The following DLGAP1 variants were observed in gnomAD, a reference collection of about 807,000 sequenced individuals.
The protein encoded by DLGAP1 is disks large-associated protein 1.
A neutral mutation model predicts 90.8 loss-of-function variants in DLGAP1; 11 were observed. The observed-to-expected ratio is 0.12, with a 90% CI of 0.08 to 0.20. The LOEUF (loss-of-function observed/expected upper bound fraction) is 0.20, where lower values mean the gene tolerates loss of function less well. Ranked by LOEUF, DLGAP1 falls within the 10% of genes least tolerant of loss-of-function variation. The pLI is 1.00. For synonymous variants in DLGAP1, 558 were observed against 540.7 expected (o/e 1.03, Z -0.44); for missense variants, 1,050 against 1,333.8 (o/e 0.79, Z 3.31).
chr18:4,053,497 G>T (rs2143128238), intron 2 of DLGAP1, among the ~76,000 whole-genome samples: 1 of 152,298 alleles, frequency 6.6e-6, no homozygotes, highest in Non-Finnish European at 1.5e-5. Context: ...GAAGATTTGG[G>T]TGGGGACACA....
In DLGAP1 at chr18:4,216,405, G is replaced by A. The variant is rs1045759320; in HGVS notation, c.-266-65118C>T. On this transcript the variant is annotated intron_variant, in intron 1 of 12. Transcript: ENST00000315677. The stretch of plus-strand genomic sequence containing the variant: ...TATCACCTACCAACTAATTTTAAAT[G>A]TTACACTCTTTAATTTTCTACCTGT... Among the ~76,000 whole-genome samples the A allele has an allele frequency of 2.6e-5, 4 of 151,800 alleles. No individual in the cohort carries two copies. The South Asian group carries it at 6.2e-4, about 24-fold the overall frequency.
rs989848841 is a variant in DLGAP1, at chr18:3,653,780, G to T, written c.1592-71532C>A. On this transcript the variant is annotated intron_variant, in intron 7 of 12. Coordinates refer to ENST00000315677, the MANE Select transcript of DLGAP1 (RefSeq NM_004746.4). The surrounding 1 kb of genome is among the most constrained non-coding windows in gnomAD (Gnocchi z 4.6). ...CTCTTTTTTTTAAAAAAGGAAAGCGGTTTCATTTCTGACAGTGGATTTCTT... is the reference window on the plus strand; with the variant it reads ...CTCTTTTTTTTAAAAAAGGAAAGCGTTTTCATTTCTGACAGTGGATTTCTT... 1 of 152,034 alleles carries T rather than the reference G, an allele frequency of 6.6e-6. No individual in the cohort carries two copies. The highest frequency in any genetic ancestry group is 2.4e-5 in the African/African-American group (1 of 41,372). 9.4% of individuals were successfully genotyped at this position (152,034 alleles called of 1,614,324 possible). A position where few individuals can be genotyped will look rare whatever the true frequency, so the allele number is the denominator to read the frequency against.
chr18:4,356,986 T>G (rs1423971932), intron 1 of DLGAP1, among the ~76,000 whole-genome samples: 1 of 152,024 alleles, frequency 6.6e-6, no homozygotes, highest in Non-Finnish European at 1.5e-5. Flanking sequence ...GGTGCCCACA[T>G]GACACCTTTA....
At chr18:4,166,238 A>G (rs2076930634) in intron 1 of DLGAP1, among the ~76,000 whole-genome samples, 1 of 152,200 alleles carries the variant, frequency 6.6e-6, no homozygotes, top group Non-Finnish European at 1.5e-5. Context: ...ACTCCAAAGA[A>G]TATATACAAA....
At chr18:3,989,358 G>A (rs2073913744) in intron 3 of DLGAP1, among the ~76,000 whole-genome samples, 1 of 152,200 alleles carries the variant, frequency 6.6e-6, no homozygotes, top group Non-Finnish European at 1.5e-5. Flanking sequence ...AGCCTTTACG[G>A]GCAGGAACAG....
intron 4 of DLGAP1, among the ~76,000 whole-genome samples, chr18:3,818,249 G>A (rs1442176699): frequency 6.7e-6 from 1 of 149,804 alleles, no homozygotes; most frequent in Non-Finnish European, 1.5e-5. Context: ...GAAACCATAT[G>A]TTATCATTCA....
At chr18:3,608,246 C>G (rs11660083) in intron 7 of DLGAP1, 54,563 of 151,364 alleles carry the variant, frequency 0.36, 10,068 homozygotes, top group Middle Eastern at 0.5. Context: ...TGCCTGAATC[C>G]GAGAGGTGGA....
chr18:4,147,257 T>G (rs549983536), intron 2 of DLGAP1, among the ~76,000 whole-genome samples: 1 of 152,288 alleles, frequency 6.6e-6, no homozygotes, highest in South Asian at 2.1e-4. Context: ...CAAACTAAAA[T>G]GTACAATTTA....
At chr18:3,833,154 CT>C (rs2068135630) in intron 4 of DLGAP1, among the ~76,000 whole-genome samples, 1 of 698 alleles carries the variant, frequency 1.4e-3, no homozygotes, top group South Asian at 0.071. Flanking sequence ...TCCTTCCTTC[CT>C]TCCTTCCTTC....
chr18:3,765,365 C>G (rs1358067332), intron 5 of DLGAP1, among the ~76,000 whole-genome samples: 1 of 150,860 alleles, frequency 6.6e-6, no homozygotes, highest in East Asian at 2.0e-4. Flanking sequence ...CTCCTGACCT[C>G]ATGATCTGCC....
intron 4 of DLGAP1, among the ~76,000 whole-genome samples, chr18:3,831,286 C>T (rs1048275433): frequency 6.6e-6 from 1 of 152,184 alleles, no homozygotes; most frequent in Non-Finnish European, 1.5e-5. Flanking sequence ...AATCTGAAGA[C>T]TGTCATCTCA....
intron 1 of DLGAP1, among the ~76,000 whole-genome samples, chr18:4,180,154 G>T (rs1482621957): frequency 6.6e-6 from 1 of 152,028 alleles, no homozygotes; most frequent in Non-Finnish European, 1.5e-5. Context: ...TTCATAATAC[G>T]ACTCTCTCCC....
chr18:4,087,799 C>T (rs1473209477), intron 2 of DLGAP1, among the ~76,000 whole-genome samples: 1 of 152,078 alleles, frequency 6.6e-6, no homozygotes, highest in Non-Finnish European at 1.5e-5. Flanking sequence ...CATCCTTTTA[C>T]TCTTAACCTA....
chr18:3,818,336 T>A (rs1043232779), intron 4 of DLGAP1, among the ~76,000 whole-genome samples: 1 of 142,898 alleles, frequency 7.0e-6, no homozygotes, highest in Non-Finnish European at 1.5e-5. Flanking sequence ...AGGATAGGGA[T>A]GTAGGGATGG....
At chr18:3,686,782 GA>G (rs2060717833) in intron 7 of DLGAP1, among the ~76,000 whole-genome samples, 1 of 152,232 alleles carries the variant, frequency 6.6e-6, no homozygotes, top group African/African-American at 2.4e-5. Context: ...ACAGATGTCA[GA>G]GGCTCTGTGG....
At chr18:4,026,612 C>T (rs2074703064) in intron 2 of DLGAP1, among the ~76,000 whole-genome samples, 1 of 152,152 alleles carries the variant, frequency 6.6e-6, no homozygotes, top group Non-Finnish European at 1.5e-5. Flanking sequence ...ATTTCTGGTT[C>T]TCCAGATTGG....
chr18:3,697,952 C>CT (rs1419722632), intron 7 of DLGAP1, among the ~76,000 whole-genome samples: 2 of 152,140 alleles, frequency 1.3e-5, no homozygotes, highest in African/African-American at 2.4e-5. Context: ...CCTTCTTAGT[C>CT]TTTTTTGATC....
At chr18:3,626,807 A>G (rs2058312938) in intron 7 of DLGAP1, among the ~76,000 whole-genome samples, 1 of 151,616 alleles carries the variant, frequency 6.6e-6, no homozygotes, top group Non-Finnish European at 1.5e-5. Context: ...CTGAGGCAGG[A>G]GAATCATTTG....
At chr18:3,780,042 C>T (rs566353019) in intron 5 of DLGAP1, among the ~76,000 whole-genome samples, 9 of 152,186 alleles carry the variant, frequency 5.9e-5, no homozygotes, top group Non-Finnish European at 1.3e-4. Context: ...CCTGCCTAGG[C>T]CTCCCAAAGT....
Sources: gnomAD v4.1 joint callset for allele counts (sites outside exome capture counted in the v4.1 genomes callset) on GRCh38, gnomAD v4.1.1 for gene constraint, Gnocchi (gnomAD v3.1) non-coding constraint, MANE v1.5 for transcripts, NCBI Gene and HGNC (gene_info 2026-07-23, HGNC 2026-07-21) for gene names.